The following ACYP2 variants were observed in gnomAD, a reference collection of about 807,000 sequenced individuals.
ACYP2 encodes acylphosphatase-2.
ACYP2 carries 12 observed loss-of-function variants against 11.2 expected under a neutral mutation model. The ratio of observed to expected loss-of-function variants is 1.08; its 90% CI spans 0.69 to 1.74. The LOEUF (loss-of-function observed/expected upper bound fraction) is 1.74, where lower values mean the gene tolerates loss of function less well. Among genes scored for constraint, ACYP2 ranks in the 40% most tolerant of loss-of-function variants. ACYP2 has a pLI of 0.00. For missense variants in ACYP2, 134 were observed against 101.9 expected (o/e 1.31, Z -1.35); for synonymous variants, 43 against 32.2 (o/e 1.33, Z -1.13).
At chr2:54,203,148 CAAT>C (rs2103914706) in intron 6 of ACYP2, among the ~76,000 whole-genome samples, 1 of 152,110 alleles carries the variant, frequency 6.6e-6, no homozygotes, top group Admixed American at 6.5e-5. Context: ...TTTCTTCCAA[CAAT>C]GTTTTGTAGT....
intron 6 of ACYP2, among the ~76,000 whole-genome samples, chr2:54,150,514 T>C (rs1025624892): frequency 1.3e-5 from 2 of 152,058 alleles, no homozygotes; most frequent in East Asian, 1.9e-4. Context: ...CTCTGCCTCC[T>C]GGGTTCAAGC....
At chr2:54,189,953 A>C (rs575001696) in intron 6 of ACYP2, among the ~76,000 whole-genome samples, 58 of 152,256 alleles carry the variant, frequency 3.8e-4, no homozygotes, top group African/African-American at 1.3e-3. Context: ...CCCAATGATT[A>C]GTGATATTGA....
At chr2:54,057,959 A>G (rs1309972704) in intron 4 of ACYP2, among the ~76,000 whole-genome samples, 1 of 152,214 alleles carries the variant, frequency 6.6e-6, no homozygotes, top group Admixed American at 6.5e-5. Context: ...GAAAACAAAT[A>G]TTTTAAATTC....
chr2:54,000,222 A>T (rs1672740992), intron 2 of ACYP2, among the ~76,000 whole-genome samples: 4 of 151,878 alleles, frequency 2.6e-5, no homozygotes, highest in Admixed American at 2.6e-4. Context: ...ACACCCATCA[A>T]ATTTAGAAAA....
chr2:54,140,471 T>C (rs1288289121), intron 6 of ACYP2, among the ~76,000 whole-genome samples: 1 of 152,102 alleles, frequency 6.6e-6, no homozygotes, highest in African/African-American at 2.4e-5. Flanking sequence ...TTAAGTAACC[T>C]GTGTTAGCAA....
At chr2:54,081,844 C>G (rs1273260482) in intron 4 of ACYP2, among the ~76,000 whole-genome samples, 1 of 152,188 alleles carries the variant, frequency 6.6e-6, no homozygotes, top group East Asian at 1.9e-4. Flanking sequence ...ACAGGATGAT[C>G]TGGGATGGCC....
At chr2:54,049,368 A>G (rs1471584510) in intron 2 of ACYP2, among the ~76,000 whole-genome samples, 1 of 152,044 alleles carries the variant, frequency 6.6e-6, no homozygotes, top group Admixed American at 6.6e-5. Context: ...TGCCCCTGTC[A>G]ATGTGTCTTT....
intron 2 of ACYP2, among the ~76,000 whole-genome samples, chr2:54,003,320 C>T (rs1023565755): frequency 2.0e-5 from 3 of 151,662 alleles, no homozygotes; most frequent in African/African-American, 4.8e-5. Flanking sequence ...GGTGCAATGG[C>T]GTGATCTTGG....
At chr2:53,996,782 A>G (rs1319164223) in intron 2 of ACYP2, among the ~76,000 whole-genome samples, 4 of 152,198 alleles carry the variant, frequency 2.6e-5, no homozygotes, top group Non-Finnish European at 4.4e-5. Context: ...TATGCTTCAC[A>G]AGTACAGAGC....
intron 2 of ACYP2, among the ~76,000 whole-genome samples, chr2:54,010,801 T>A (rs1316916160): frequency 7.0e-6 from 1 of 143,058 alleles, no homozygotes; most frequent in African/African-American, 2.7e-5. Flanking sequence ...CCTGAGTAGC[T>A]GGGATTACTG....
chr2:54,032,857 G>A (rs1238108239), intron 2 of ACYP2, among the ~76,000 whole-genome samples: 2 of 152,056 alleles, frequency 1.3e-5, no homozygotes, highest in African/African-American at 2.4e-5. Flanking sequence ...CCATGCTCGT[G>A]GATAAAAAGA....
intron 6 of ACYP2, among the ~76,000 whole-genome samples, chr2:54,140,223 T>A (rs1462537841): frequency 5.9e-5 from 9 of 152,130 alleles, no homozygotes; most frequent in Admixed American, 5.2e-4. Flanking sequence ...AAATGCCAAA[T>A]GATTGTGTGG....
At chr2:54,289,460 G>T (rs946211632) in intron 6 of ACYP2, among the ~76,000 whole-genome samples, 7 of 151,964 alleles carry the variant, frequency 4.6e-5, no homozygotes, top group African/African-American at 1.7e-4. Context: ...ATTTAGCAAT[G>T]ACTTTGTTTT....
intron 4 of ACYP2, among the ~76,000 whole-genome samples, chr2:54,118,792 T>C (rs1487457296): frequency 6.6e-6 from 1 of 152,214 alleles, no homozygotes; most frequent in African/African-American, 2.4e-5. Context: ...AGAGAGTACA[T>C]GCCCACTATT....
chr2:54,142,155 T>C lies in ACYP2; in HGVS notation c.404+3407T>C, dbSNP rs142206351. The C allele has an allele frequency of 2.4e-4, 89 of 372,782 alleles. No individual in the cohort carries two copies. The East Asian group carries it at 3.3e-3, about 14-fold the overall frequency. 23.1% of individuals were successfully genotyped at this position (372,782 alleles called of 1,614,324 possible). A position where few individuals can be genotyped will look rare whatever the true frequency, so the allele number is the denominator to read the frequency against. On this transcript the variant is annotated intron_variant, in intron 6 of 6. Transcript: ENST00000607452. ...TCCCAAAGTGCTGGGATTACAAAAA[T>C]AAACTTTATTTTTGAGAACAGTTTT...
intron 2 of ACYP2, among the ~76,000 whole-genome samples, chr2:54,003,403 G>T (rs1672896458): frequency 6.6e-6 from 1 of 152,124 alleles, no homozygotes; most frequent in Non-Finnish European, 1.5e-5. Context: ...GGGATTACAG[G>T]CATCTGCCAC....
intron 6 of ACYP2, among the ~76,000 whole-genome samples, chr2:54,139,236 G>T (rs1429180221): frequency 6.6e-6 from 1 of 152,208 alleles, no homozygotes; most frequent in Non-Finnish European, 1.5e-5. Flanking sequence ...TGTTGTGACA[G>T]ATGCGTAGTG....
rs182791532 is a variant in ACYP2 at position 54,214,140 on chromosome 2, G to A, written c.404+75392G>A. Among the ~76,000 whole-genome samples, 984 of 152,098 alleles carry A rather than the reference G, an allele frequency of 6.5e-3. 16 individuals carry two copies. The highest frequency in any genetic ancestry group is 0.023 in the African/African-American group (939 of 41,482). ...AGTTCCTTATAGATTCTGGATATTC[G>A]AGCTTTGTTGGATGCATAATTTGCA... On this transcript the variant is annotated intron_variant, in intron 6 of 6. Transcript: ENST00000607452.
chr2:54,286,792 A>G (rs1008829165), intron 6 of ACYP2, among the ~76,000 whole-genome samples: 8 of 152,026 alleles, frequency 5.3e-5, no homozygotes, highest in African/African-American at 1.9e-4. Context: ...AAACTTTCAA[A>G]GACAGGCCTA....
Sources: allele counts gnomAD v4.1 joint callset (sites outside exome capture counted in the v4.1 genomes callset), GRCh38; gene constraint gnomAD v4.1.1; transcripts MANE v1.5; gene names NCBI Gene and HGNC (gene_info 2026-07-23, HGNC 2026-07-21).